USP4: variants seen among roughly 807,000 people sequenced by gnomAD.
USP4 encodes the protein ubiquitin carboxyl-terminal hydrolase 4.
In USP4, 72 loss-of-function variants were observed where a neutral mutation model predicts 118.2. The ratio of observed to expected loss-of-function variants is 0.61; its 90% CI spans 0.50 to 0.74. The LOEUF is 0.74. USP4 is among the 30% of genes least tolerant of loss of function. The pLI is 0.00. For missense variants in USP4, 1,037 were observed against 1,185.7 expected (o/e 0.87, Z 1.84); for synonymous variants, 415 against 440.4 (o/e 0.94, Z 0.72).
intron 6 of USP4, chr3:49,312,062 G>A (rs1319082390): frequency 4.3e-6 from 1 of 234,248 alleles, no homozygotes. Context: ...GGTGGCTCAT[G>A]CCTGTAATCT....
At chr3:49,280,889 C>T in intron 19 of USP4, 42 bp from the exon 20 acceptor site, 1 of 1,572,328 alleles carries the variant, frequency 6.4e-7, no homozygotes, top group Non-Finnish European at 8.7e-7. Context: ...TATGTTAAAC[C>T]CAAACAAAGT....
intron 9 of USP4, among the ~76,000 whole-genome samples, chr3:49,304,443 G>C (rs946446067): frequency 4.6e-5 from 7 of 152,014 alleles, no homozygotes; most frequent in Non-Finnish European, 7.4e-5. Context: ...TCCTGGCTGA[G>C]GGACCCCAGT....
chr3:49,337,826 T>C (rs1038297265), intron 1 of USP4, among the ~76,000 whole-genome samples: 17 of 151,048 alleles, frequency 1.1e-4, no homozygotes, highest in South Asian at 6.3e-4. Flanking sequence ...GTCAGGTGGA[T>C]CACGAGGTCA....
chr3:49,304,275 GA>G (rs2047290730), intron 9 of USP4, among the ~76,000 whole-genome samples: 1 of 152,050 alleles, frequency 6.6e-6, no homozygotes, highest in Non-Finnish European at 1.5e-5. Flanking sequence ...GAAGCTCCAT[GA>G]ATCCCAGTGG....
At chr3:49,319,125 G>C (rs2047472560) in intron 6 of USP4, among the ~76,000 whole-genome samples, 1 of 146,580 alleles carries the variant, frequency 6.8e-6, no homozygotes. Flanking sequence ...TTGGGTGACA[G>C]AGCAAGACTG....
At position 49,325,822 on chromosome 3, in the gene USP4, G is replaced by T; in HGVS notation, c.384C>A (p.Val128=). The change falls in exon 4 of 22, where the codon GTC becomes GTA. Residue 128 remains valine (V), a synonymous_variant. Coordinates refer to ENST00000265560, the MANE Select transcript of USP4 (RefSeq NM_003363.4). The stretch of plus-strand genomic sequence containing the variant: ...AATACACCTCGACTTTGCAGTGCTT[G>T]ACAAACAGGCCATGCTCCACAACCT... ...VRKVVEHGLF[V]KHCKVEVYLL... 1 of 1,613,768 alleles carries T rather than the reference G, an allele frequency of 6.2e-7. No individual in the cohort carries two copies. The highest frequency in any genetic ancestry group is 1.1e-5 in the South Asian group (1 of 91,036).
At position 49,294,459 on chromosome 3, in the gene USP4, T is replaced by G; in HGVS notation, c.1831A>C (p.Lys611Gln). ...YGQPLLLSVPKHKLTLESLYQ... is the reference protein window; with the variant it reads ...YGQPLLLSVPQHKLTLESLYQ... The stretch of plus-strand genomic sequence containing the variant: ...AAAGACTCAAGGGTTAACTTGTGCT[T>G]GGGGACAGAAAGCAATAGTGGCTGC... The change falls in exon 14 of 22, where the codon AAG becomes CAG. Residue 611 changes from lysine to glutamine, a missense_variant. This residue lies in a region of USP4 where 522 missense variants were observed against 592.6 expected (regional missense o/e 0.88). Transcript: ENST00000265560. The G allele has an allele frequency of 6.2e-7, 1 of 1,614,168 alleles. No homozygotes were observed. Among genetic ancestry groups the G allele is most frequent in the Non-Finnish European group, 8.5e-7 (1 of 1,180,026 alleles).
chr3:49,304,675 A>T (rs2047294159), intron 9 of USP4, among the ~76,000 whole-genome samples: 1 of 151,908 alleles, frequency 6.6e-6, no homozygotes, highest in African/African-American at 2.4e-5. Flanking sequence ...TGCAGCCTTG[A>T]CCTCCCAGGC....
At chr3:49,321,461 C>T (rs2047500178) in intron 6 of USP4, among the ~76,000 whole-genome samples, 1 of 151,610 alleles carries the variant, frequency 6.6e-6, no homozygotes, top group Admixed American at 6.6e-5. Flanking sequence ...TTTCTTAAAC[C>T]TTGATTATTA....
At position 49,297,876 on chromosome 3, in the gene USP4, A is replaced by T; in HGVS notation, c.1685T>A (p.Ile562Asn). 1 of 1,613,886 alleles carries T rather than the reference A, an allele frequency of 6.2e-7. No homozygotes were observed. Among genetic ancestry groups the T allele is most frequent in the East Asian group, 2.2e-5 (1 of 44,876 alleles). Residue 562 changes from isoleucine (I) to asparagine (N), a missense_variant, in exon 13 of 22, where the codon ATT becomes AAT. Ile to Asn is a moderately radical substitution (Grantham distance 149). Coordinates refer to ENST00000265560, the MANE Select transcript of USP4 (RefSeq NM_003363.4). ...GLNHIMPRDD[I>N]FVYEVCSTSV... The stretch of plus-strand genomic sequence containing the variant: ...GAAACTGCTGAGTACTCACACGAAA[A>T]TGTCATCCCGAGGCATGATGTGGTT...
At chr3:49,325,949 C>T in intron 3 of USP4, 104 bp from the exon 4 acceptor site, 1 of 1,411,958 alleles carries the variant, frequency 7.1e-7, no homozygotes, top group Non-Finnish European at 9.7e-7. Flanking sequence ...TCATGATAAT[C>T]CATTTCCTTT....
At chr3:49,325,489 T>G (rs2047544200) in intron 4 of USP4, among the ~76,000 whole-genome samples, 1 of 152,128 alleles carries the variant, frequency 6.6e-6, no homozygotes, top group Non-Finnish European at 1.5e-5. Context: ...GGATCTACAT[T>G]TCCTTATCTT....
At chr3:49,289,503 G>C (rs977321064) in intron 15 of USP4, among the ~76,000 whole-genome samples, 2 of 152,140 alleles carry the variant, frequency 1.3e-5, no homozygotes, top group African/African-American at 4.8e-5. Context: ...CTCTGCTGCT[G>C]GACCTATAAA....
chr3:49,311,874 CT>C, intron 6 of USP4: 1 of 1,217,314 alleles, frequency 8.2e-7, no homozygotes, highest in South Asian at 1.8e-5. Context: ...ACCACATACC[CT>C]TTCAGTGTGA....
At chr3:49,324,457 C>T (rs953526501) in intron 6 of USP4, among the ~76,000 whole-genome samples, 19 of 152,208 alleles carry the variant, frequency 1.2e-4, no homozygotes, top group African/African-American at 4.1e-4. Context: ...ATATCCCTTC[C>T]TCCTTTTCTC....
intron 6 of USP4, chr3:49,316,699 G>A (rs1281641693): frequency 2.3e-5 from 6 of 258,974 alleles, no homozygotes; most frequent in Non-Finnish European, 4.4e-5. Flanking sequence ...GGCCACAGGG[G>A]TGAGCCCTGA....
intron 9 of USP4, among the ~76,000 whole-genome samples, chr3:49,304,447 C>G (rs979628635): frequency 6.6e-6 from 1 of 152,074 alleles, no homozygotes; most frequent in Non-Finnish European, 1.5e-5. Context: ...GGCTGAGGGA[C>G]CCCAGTGATA....
rs576360824 is a variant in USP4, at chr3:49,326,665, GATT to G, written c.361-823_361-821del. Among the ~76,000 whole-genome samples the G allele has an allele frequency of 2.1e-3, 310 of 151,112 alleles. 3 individuals carry two copies. The highest frequency in any genetic ancestry group is 0.017 in the South Asian group (83 of 4,768). On this transcript the variant is annotated intron_variant, in intron 3 of 21. Coordinates refer to ENST00000265560, the MANE Select transcript of USP4 (RefSeq NM_003363.4). ...CTGCCTCAGCCTCCCAAAGTGCTGGGATTACAGGCGTGAGCCACCATGCACGGC... is the reference window on the plus strand; with the variant it reads ...CTGCCTCAGCCTCCCAAAGTGCTGGGACAGGCGTGAGCCACCATGCACGGC...
intron 14 of USP4, among the ~76,000 whole-genome samples, chr3:49,293,072 T>C (rs1240614708): frequency 6.6e-6 from 1 of 151,912 alleles, no homozygotes; most frequent in African/African-American, 2.4e-5. Context: ...TGGCTCAATA[T>C]TTTAAGAAAT....
Sources: gnomAD v4.1 joint callset for allele counts (sites outside exome capture counted in the v4.1 genomes callset) on GRCh38, gnomAD v4.1.1 for gene constraint, gnomAD v4.1.1 regional missense constraint, MANE v1.5 for transcripts, NCBI Gene and HGNC (gene_info 2026-07-23, HGNC 2026-07-21) for gene names.